The following CRTC1 variants were observed in gnomAD, a reference collection of about 807,000 sequenced individuals.
CRTC1 encodes CREB regulated transcription coactivator 1.
In CRTC1, 18 loss-of-function variants were observed where a neutral mutation model predicts 66.1. The observed-to-expected ratio is 0.27, with a 90% CI of 0.19 to 0.40. The LOEUF (loss-of-function observed/expected upper bound fraction) is 0.40, where lower values mean the gene tolerates loss of function less well. Ranked by LOEUF, CRTC1 falls within the 10% of genes least tolerant of loss-of-function variation. The probability of loss-of-function intolerance (pLI) is 1.00; values close to 1 mark genes in which losing one functional copy is unlikely to be tolerated. For synonymous variants in CRTC1, 416 were observed against 398.8 expected (o/e 1.04, Z -0.51); for missense variants, 669 against 887.9 (o/e 0.75, Z 3.13).
chr19:18,692,813 C>T (rs1435937816), intron 1 of CRTC1, among the ~76,000 whole-genome samples: 4 of 152,176 alleles, frequency 2.6e-5, no homozygotes, highest in South Asian at 2.1e-4. Context: ...CGGTGGCTCA[C>T]GCCTGTAATC....
chr19:18,767,553 T>G (rs1169975488), intron 9 of CRTC1, among the ~76,000 whole-genome samples: 2 of 152,224 alleles, frequency 1.3e-5, no homozygotes, highest in African/African-American at 4.8e-5. Flanking sequence ...ACGAAGTTAA[T>G]GGTAGTTCCT....
chr19:18,775,249 G>C (rs910920322), intron 12 of CRTC1, among the ~76,000 whole-genome samples: 1 of 152,246 alleles, frequency 6.6e-6, no homozygotes, highest in Non-Finnish European at 1.5e-5. Context: ...GGTGAGGGGG[G>C]GCAGGCAGCA....
intron 1 of CRTC1, among the ~76,000 whole-genome samples, chr19:18,719,290 C>T (rs1055173821): frequency 1.3e-5 from 2 of 152,212 alleles, no homozygotes; most frequent in South Asian, 2.1e-4. Context: ...GCCCAGAATG[C>T]GGCCTGAAGA....
At chr19:18,736,615 C>T (rs1174858030) in intron 1 of CRTC1, among the ~76,000 whole-genome samples, 3 of 151,960 alleles carry the variant, frequency 2.0e-5, no homozygotes, top group Non-Finnish European at 4.4e-5. Context: ...TGCAAAGGCC[C>T]GGAGGTAGCG....
At chr19:18,758,144 G>A (rs945274543) in intron 6 of CRTC1, among the ~76,000 whole-genome samples, 1 of 151,780 alleles carries the variant, frequency 6.6e-6, no homozygotes, top group African/African-American at 2.4e-5. Flanking sequence ...GGCGGATCAT[G>A]AGGTCAGGAG....
At chr19:18,693,707 T>TCTC (rs1177534553) in intron 1 of CRTC1, among the ~76,000 whole-genome samples, 11 of 151,674 alleles carry the variant, frequency 7.3e-5, no homozygotes, top group Non-Finnish European at 1.6e-4. Flanking sequence ...ATGGTCTTGA[T>TCTC]CTGATCTCGT....
At chr19:18,693,854 G>T (rs1428881076) in intron 1 of CRTC1, among the ~76,000 whole-genome samples, 2 of 151,854 alleles carry the variant, frequency 1.3e-5, no homozygotes, top group East Asian at 3.9e-4. Context: ...CCTGGGCTGG[G>T]TGGGCACAGT....
chr19:18,758,646 G>C (rs562552974), intron 6 of CRTC1, among the ~76,000 whole-genome samples: 14 of 152,150 alleles, frequency 9.2e-5, no homozygotes, highest in Non-Finnish European at 2.1e-4. Flanking sequence ...GAGGGTCCCC[G>C]GGGAAGTCAC....
chr19:18,691,237 C>T (rs116417128), intron 1 of CRTC1, among the ~76,000 whole-genome samples: 3,037 of 151,196 alleles, frequency 0.02, 107 homozygotes, highest in African/African-American at 0.071. Context: ...GGAGGGGGAC[C>T]AGGCACAGTG....
At chr19:18,764,398 TG>T (rs2054682675) in intron 8 of CRTC1, among the ~76,000 whole-genome samples, 1 of 152,196 alleles carries the variant, frequency 6.6e-6, no homozygotes. Flanking sequence ...CCAGAGTGGA[TG>T]GGGGTCAGGC....
chr19:18,739,230 AC>A (rs983734232), intron 1 of CRTC1, among the ~76,000 whole-genome samples: 22 of 152,266 alleles, frequency 1.4e-4, no homozygotes, highest in African/African-American at 4.8e-4. Flanking sequence ...GAGATGGGAC[AC>A]CTGAGTCCCA....
At chr19:18,696,279 C>T (rs991797122) in intron 1 of CRTC1, among the ~76,000 whole-genome samples, 1 of 151,540 alleles carries the variant, frequency 6.6e-6, no homozygotes, top group Admixed American at 6.6e-5. Flanking sequence ...CTGCTGGAAG[C>T]CTGTGTGCCG....
chr19:18,772,041 T>C (rs1013726767), intron 11 of CRTC1, among the ~76,000 whole-genome samples: 2 of 152,196 alleles, frequency 1.3e-5, no homozygotes, highest in Non-Finnish European at 2.9e-5. Context: ...GAGGCTTCTC[T>C]GAGCCGCTCT....
chr19:18,756,321 G>A (rs796069413), intron 6 of CRTC1, among the ~76,000 whole-genome samples: 38 of 60,098 alleles, frequency 6.3e-4, no homozygotes, highest in Middle Eastern at 0.018. Context: ...CACCAAGAGC[G>A]AAAACTCCAT....
chr19:18,722,951 T>C (rs1600844661), intron 1 of CRTC1, among the ~76,000 whole-genome samples: 1 of 152,262 alleles, frequency 6.6e-6, no homozygotes, highest in East Asian at 1.9e-4. Flanking sequence ...CTACAGTCTT[T>C]TTTTTTTGAG....
chr19:18,705,503 A>G (rs567442897), intron 1 of CRTC1, among the ~76,000 whole-genome samples: 16 of 152,168 alleles, frequency 1.1e-4, no homozygotes, highest in Non-Finnish European at 1.3e-4. Context: ...TTTTTAATGG[A>G]GATGGGGGTT....
chr19:18,712,451 G>C (rs1349780953), intron 1 of CRTC1, among the ~76,000 whole-genome samples: 3 of 151,394 alleles, frequency 2.0e-5, no homozygotes, highest in Admixed American at 2.0e-4. Flanking sequence ...GTAGAGATAG[G>C]GTTTCACCAT....
intron 1 of CRTC1, among the ~76,000 whole-genome samples, chr19:18,702,996 C>T (rs2053182110): frequency 6.6e-6 from 1 of 151,850 alleles, no homozygotes; most frequent in Non-Finnish European, 1.5e-5. Context: ...TCTGTTGCCT[C>T]AATTTCCTGG....
At chr19:18,757,345 C>T (rs1323360909) in intron 6 of CRTC1, among the ~76,000 whole-genome samples, 1 of 152,072 alleles carries the variant, frequency 6.6e-6, no homozygotes, top group Non-Finnish European at 1.5e-5. Flanking sequence ...GGTGTTAGTG[C>T]CCCCAACTCA....
Sources: gnomAD v4.1 joint callset for allele counts (sites outside exome capture counted in the v4.1 genomes callset) on GRCh38, gnomAD v4.1.1 for gene constraint, MANE v1.5 for transcripts, NCBI Gene and HGNC (gene_info 2026-07-23, HGNC 2026-07-21) for gene names.